The following SEC24B variants were observed in gnomAD, a reference collection of about 807,000 sequenced individuals.
SEC24B encodes SEC24 homolog B, COPII component.
In SEC24B, 45 loss-of-function variants were observed where a neutral mutation model predicts 142.8. The observed-to-expected ratio is 0.32, with a 90% CI of 0.25 to 0.40. The LOEUF (loss-of-function observed/expected upper bound fraction) is 0.40, where lower values mean the gene tolerates loss of function less well. Ranked by LOEUF, SEC24B falls within the 10% of genes least tolerant of loss-of-function variation. SEC24B has a pLI of 1.00. For synonymous variants in SEC24B, 574 were observed against 568.2 expected, an observed-to-expected ratio of 1.01 and a Z score of -0.15; for missense variants, 1,409 against 1,526.8, an observed-to-expected ratio of 0.92 and a Z score of 1.29.
chr4:109,528,686 A>T (rs1362423863), intron 18 of SEC24B, among the ~76,000 whole-genome samples: 1 of 152,202 alleles, frequency 6.6e-6, no homozygotes, highest in African/African-American at 2.4e-5. Flanking sequence ...AGTCTAAAAA[A>T]ATCCTTTTGA....
chr4:109,535,767 G>A (rs914936064), intron 22 of SEC24B, among the ~76,000 whole-genome samples: 1 of 151,222 alleles, frequency 6.6e-6, no homozygotes. Context: ...CAGGAGAATG[G>A]TATGAAACCG....
In SEC24B at chr4:109,521,426, A is replaced by G; in HGVS notation, c.2308A>G (p.Lys770Glu). 8.7e-6 allele frequency: 14 copies of G among 1,613,130 alleles called. No individual in the cohort carries two copies. Among genetic ancestry groups the G allele is most frequent in the Non-Finnish European group, 1.2e-5 (14 of 1,179,340 alleles). Reference protein sequence around the residue: ...VNLYESKELIKDLLNALPNMF... With the variant: ...VNLYESKELIEDLLNALPNMF... ...TTGATCTTTGTTTTCTCAGCTTATAAAAGACTTACTGAATGCATTACCAAA... is the reference window on the plus strand; with the variant it reads ...TTGATCTTTGTTTTCTCAGCTTATAGAAGACTTACTGAATGCATTACCAAA... The change falls in exon 14 of 24, where the codon AAA becomes GAA. Residue 770 changes from lysine (K) to glutamate (E), a missense_variant. Physicochemically the swap from Lys to Glu is moderately conservative, Grantham distance 56 (BLOSUM62 1). This residue lies in a region of SEC24B where 700 missense variants were observed against 853.3 expected (regional missense o/e 0.82). Coordinates refer to ENST00000265175, the MANE Select transcript of SEC24B (RefSeq NM_006323.5).
intron 21 of SEC24B, among the ~76,000 whole-genome samples, chr4:109,533,174 G>GAA (rs1725114996): frequency 6.6e-6 from 1 of 152,078 alleles, no homozygotes. Context: ...ACTGGGCAGG[G>GAA]GTAGTTGTTG....
At chr4:109,530,895 CAA>C (rs35997146) in intron 19 of SEC24B, among the ~76,000 whole-genome samples, 731 of 46,198 alleles carry the variant, frequency 0.016, no homozygotes, top group Non-Finnish European at 0.021. Context: ...GACTCCGTCT[CAA>C]AAAAAAAAAA....
intron 11 of SEC24B, 93 bp from the exon 12 acceptor site, chr4:109,520,263 ATATGTGTAAT>A (rs1723456201): frequency 2.8e-6 from 2 of 720,910 alleles, no homozygotes; most frequent in South Asian, 3.5e-5. Context: ...GTAGAAAAGC[ATATGTGTAAT>A]TATCCTTGGA....
chr4:109,474,537 G>C (rs1732893600), intron 3 of SEC24B, among the ~76,000 whole-genome samples: 1 of 151,010 alleles, frequency 6.6e-6, no homozygotes, highest in Non-Finnish European at 1.5e-5. Context: ...CGATTCTCCT[G>C]TCTCAGCCTC....
intron 4 of SEC24B, chr4:109,488,773 C>T (rs1472315985): frequency 6.0e-6 from 1 of 167,630 alleles, no homozygotes; most frequent in Non-Finnish European, 1.5e-5. Context: ...AAATTGGAAT[C>T]CTCATTCGAT....
chr4:109,512,383 C>A (rs993598164), intron 9 of SEC24B, among the ~76,000 whole-genome samples: 1 of 152,158 alleles, frequency 6.6e-6, no homozygotes, highest in African/African-American at 2.4e-5. Flanking sequence ...GATTGTCTTA[C>A]ATTTGTATAT....
Position 109,433,912 on chromosome 4 carries a change from C to A in SEC24B, c.43C>A (p.Arg15=). The change falls in exon 1 of 24, where the codon CGG becomes AGG. Residue 15 remains arginine, a synonymous_variant. Coordinates refer to ENST00000265175, the MANE Select transcript of SEC24B (RefSeq NM_006323.5). The part of the protein sequence containing the change: ...AGSSHPAASA[R]IPPKFGGAAV... ...GTCCTCTCACCCGGCCGCCAGCGCC[C>A]GGATCCCGCCCAAGTTCGGCGGAGC... is the stretch of plus-strand genomic sequence containing the variant. 7.5e-7 allele frequency: 1 copy of A among 1,331,982 alleles called. No individual in the cohort carries two copies. The highest frequency in any genetic ancestry group is 9.6e-7 in the Non-Finnish European group (1 of 1,038,886). 82.5% of individuals were successfully genotyped at this position (1,331,982 alleles called of 1,614,324 possible).
Position 109,520,352 on chromosome 4 carries a change from A to G in SEC24B, c.2127-14A>G, listed in dbSNP as rs1451261388. 3.3e-6 allele frequency: 5 copies of G among 1,498,780 alleles called. No individual in the cohort carries two copies. Among genetic ancestry groups the G allele is most frequent in the African/African-American group, 1.4e-5 (1 of 71,946 alleles). The allele number at this position is 1,498,780 out of a possible 1,614,324, so 92.8% of individuals were successfully genotyped here. A position where few individuals can be genotyped will look rare whatever the true frequency, so the allele number is the denominator to read the frequency against. On this transcript the variant is annotated splice_polypyrimidine_tract_variant and intron_variant, in intron 11 of 23. Coordinates refer to ENST00000265175, the MANE Select transcript of SEC24B (RefSeq NM_006323.5). ...TGAGCACTCTGAATTTAAAATTGTC[A>G]TTTTTATCTTTAGGCTTCCTGGAGA... is the stretch of plus-strand genomic sequence containing the variant.
At chr4:109,522,201 C>A (rs1050603562) in intron 14 of SEC24B, among the ~76,000 whole-genome samples, 2 of 151,952 alleles carry the variant, frequency 1.3e-5, no homozygotes, top group African/African-American at 4.8e-5. Context: ...CAGGCGCCTG[C>A]CACCACACCT....
intron 1 of SEC24B, among the ~76,000 whole-genome samples, chr4:109,458,497 T>G (rs1166410917): frequency 6.6e-6 from 1 of 152,178 alleles, no homozygotes; most frequent in Non-Finnish European, 1.5e-5. Flanking sequence ...TAGGAAGTTA[T>G]TTTTAGTAAA....
chr4:109,452,028 G>A (rs776650667), intron 1 of SEC24B, among the ~76,000 whole-genome samples: 6 of 150,578 alleles, frequency 4.0e-5, no homozygotes, highest in Non-Finnish European at 7.4e-5. Context: ...ATGTAATCAT[G>A]TATCTATTAT....
intron 21 of SEC24B, among the ~76,000 whole-genome samples, chr4:109,533,007 A>T (rs1725096504): frequency 6.6e-6 from 1 of 152,324 alleles, no homozygotes; most frequent in South Asian, 2.1e-4. Flanking sequence ...GTCATGAATT[A>T]TATATACTTG....
chr4:109,485,382 T>C (rs1252647162), intron 4 of SEC24B, among the ~76,000 whole-genome samples: 3 of 152,218 alleles, frequency 2.0e-5, no homozygotes, highest in Non-Finnish European at 4.4e-5. Context: ...CTGAGGTCTT[T>C]CTGCAGAAAA....
intron 1 of SEC24B, among the ~76,000 whole-genome samples, chr4:109,454,154 C>G (rs1730427417): frequency 1.3e-5 from 2 of 151,560 alleles, no homozygotes; most frequent in Admixed American, 6.6e-5. Context: ...ACAGAGCAAA[C>G]TTTTTTTTTC....
At chr4:109,491,046 CTAGTTTTAA>C (rs150638084) in intron 4 of SEC24B, among the ~76,000 whole-genome samples, 4,295 of 152,114 alleles carry the variant, frequency 0.028, 80 homozygotes, top group Non-Finnish European at 0.046. Flanking sequence ...ATGTGTTTGA[CTAGTTTTAA>C]TAGTTTAATA....
intron 4 of SEC24B, 87 bp from the exon 5 acceptor site, chr4:109,491,240 C>A: frequency 9.7e-7 from 1 of 1,028,598 alleles, no homozygotes; most frequent in Non-Finnish European, 1.5e-6. Context: ...CCTAGTTCCG[C>A]AAAAACATCT....
chr4:109,529,659 T>C (rs2126091321), intron 18 of SEC24B, among the ~76,000 whole-genome samples: 1 of 152,314 alleles, frequency 6.6e-6, no homozygotes, highest in African/African-American at 2.4e-5. Flanking sequence ...GACTTGGTGT[T>C]TGAGTAATGG....
Sources: allele counts gnomAD v4.1 joint callset (sites outside exome capture counted in the v4.1 genomes callset), GRCh38; gene constraint gnomAD v4.1.1; regional missense constraint gnomAD v4.1.1; transcripts MANE v1.5; gene names NCBI Gene and HGNC (gene_info 2026-07-23, HGNC 2026-07-21).